The following GPR183 variants were observed in gnomAD, a reference collection of about 807,000 sequenced individuals.
GPR183 encodes EBV-induced G-protein coupled receptor 2.
In GPR183, 9 loss-of-function variants were observed where a neutral mutation model predicts 19.7. The observed-to-expected ratio is 0.46, with a 90% confidence interval of 0.28 to 0.80. GPR183 has a LOEUF of 0.80. Ranked by LOEUF, GPR183 falls within the 30% of genes least tolerant of loss-of-function variation. GPR183 has a pLI of 0.13. For synonymous variants in GPR183, 160 were observed against 155.1 expected, an observed-to-expected ratio of 1.03 and a Z score of -0.24; for missense variants, 368 against 446.7, an observed-to-expected ratio of 0.82 and a Z score of 1.59.
At chr13:99,305,257 CTG>C (rs1172869773) in intron 1 of GPR183, among the ~76,000 whole-genome samples, 1 of 150,740 alleles carries the variant, frequency 6.6e-6, no homozygotes, top group African/African-American at 2.4e-5. Context: ...CCACAGCCAT[CTG>C]TGTTACTGTC....
intron 1 of GPR183, among the ~76,000 whole-genome samples, chr13:99,296,912 C>T (rs1273315071): frequency 6.6e-6 from 1 of 151,100 alleles, no homozygotes; most frequent in Non-Finnish European, 1.5e-5. Context: ...TGGATCCATG[C>T]AATCTATACT....
At chr13:99,304,480 A>G (rs2044302097) in intron 1 of GPR183, among the ~76,000 whole-genome samples, 1 of 152,126 alleles carries the variant, frequency 6.6e-6, no homozygotes, top group East Asian at 1.9e-4. Context: ...CTATGGTGTT[A>G]ATTTCTTGTA....
rs1021085813 is a variant in GPR183 at position 99,294,992 on chromosome 13, T to C, written c.*68A>G. On this transcript the variant is annotated 3_prime_UTR_variant, in exon 2 of 2. Transcript: ENST00000376414. The stretch of plus-strand genomic sequence containing the variant: ...ATTGGAAGCTGAACAATTATTTTGC[T>C]TTATAAGGGAAGTCCTGCAAAGTTT... The C allele has an allele frequency of 1.3e-5, 20 of 1,503,880 alleles. No individual in the cohort carries two copies. Among genetic ancestry groups the C allele is most frequent in the Non-Finnish European group, 1.7e-5 (19 of 1,120,332 alleles). 93.2% of individuals were successfully genotyped at this position (1,503,880 alleles called of 1,614,324 possible). A position where few individuals can be genotyped will look rare whatever the true frequency, so the allele number is the denominator to read the frequency against.
At chr13:99,305,091 A>T (rs990662628) in intron 1 of GPR183, among the ~76,000 whole-genome samples, 1 of 152,270 alleles carries the variant, frequency 6.6e-6, no homozygotes, top group African/African-American at 2.4e-5. Context: ...ACAGTATTTT[A>T]ATAATAAAAC....
At chr13:99,303,557 T>C (rs1313564221) in intron 1 of GPR183, among the ~76,000 whole-genome samples, 1 of 152,176 alleles carries the variant, frequency 6.6e-6, no homozygotes, top group Admixed American at 6.5e-5. Context: ...ATAATACTCA[T>C]TTTAGTGTAA....
chr13:99,306,492 CAA>C (rs1170503864), intron 1 of GPR183, among the ~76,000 whole-genome samples: 1 of 151,756 alleles, frequency 6.6e-6, no homozygotes, highest in Admixed American at 6.6e-5. Flanking sequence ...AGAGTGACAC[CAA>C]AAAAACAAAA....
intron 1 of GPR183, among the ~76,000 whole-genome samples, chr13:99,300,384 CCTAATATGTCA>C (rs1196967937): frequency 1.3e-5 from 2 of 152,132 alleles, no homozygotes; most frequent in Non-Finnish European, 2.9e-5. Context: ...GCTAGCTGGC[CCTAATATGTCA>C]CTTTAGTTCT....
intron 1 of GPR183, among the ~76,000 whole-genome samples, 174 bp from the exon 2 acceptor site, chr13:99,296,337 G>A (rs906210176): frequency 6.6e-6 from 1 of 151,978 alleles, no homozygotes; most frequent in African/African-American, 2.4e-5. Flanking sequence ...ATTATAATAT[G>A]GTTACATATA....
chr13:99,301,623 G>A (rs1306295346), intron 1 of GPR183, among the ~76,000 whole-genome samples: 1 of 151,894 alleles, frequency 6.6e-6, no homozygotes, highest in African/African-American at 2.4e-5. Context: ...TGAACTGACA[G>A]GTTCTTTCTA....
rs761030594 is a variant in GPR183, at chr13:99,295,087, T to C, written c.1059A>G (p.Ile353Met). 14 of 1,614,006 alleles carry C rather than the reference T, an allele frequency of 8.7e-6. No homozygotes were observed. The highest frequency in any genetic ancestry group is 1.1e-5 in the Non-Finnish European group (13 of 1,179,936). Reference protein sequence around the residue: ...SREMTETQMMIHSKSSNGK With the variant: ...SREMTETQMMMHSKSSNGK ...ACTTTCCATTTGAAGACTTGGAATGTATCATCATCTGCGTTTCTGTCATTT... is the reference window on the plus strand; with the variant it reads ...ACTTTCCATTTGAAGACTTGGAATGCATCATCATCTGCGTTTCTGTCATTT... Residue 353 changes from isoleucine (I) to methionine (M), a missense_variant, in exon 2 of 2, where the codon ATA becomes ATG. Transcript: ENST00000376414. This position sits in a 1 kb window ranked among gnomAD's most constrained non-coding sequence, Gnocchi z 4.1.
rs1211110644 is a variant in GPR183 at position 99,295,480 on chromosome 13, T to A, written c.666A>T (p.Lys222Asn). ...GGTTTTGTTTGGCAGTTCTGAAGAG[T>A]TTGCAGCAGATCTGAGAATAGCAGA... is the stretch of plus-strand genomic sequence containing the variant. ...ILICYSQICC[K>N]LFRTAKQNPL... The change falls in exon 2 of 2, where the codon AAA becomes AAT. Residue 222 changes from lysine to asparagine, a missense_variant. Transcript: ENST00000376414. The surrounding 1 kb of genome is among the most constrained non-coding windows in gnomAD (Gnocchi z 4.1). 1.2e-6 allele frequency: 2 copies of A among 1,613,890 alleles called. No homozygotes were observed. Among genetic ancestry groups the A allele is most frequent in the Non-Finnish European group, 8.5e-7 (1 of 1,179,998 alleles).
intron 1 of GPR183, among the ~76,000 whole-genome samples, chr13:99,300,673 A>G (rs1014081134): frequency 3.3e-5 from 5 of 152,354 alleles, no homozygotes; most frequent in East Asian, 1.9e-4. Context: ...GATGCTGGGA[A>G]TACAGAGATG....
chr13:99,299,696 T>C (rs2149263), intron 1 of GPR183, among the ~76,000 whole-genome samples: 147,949 of 152,228 alleles, frequency 0.97, 72,027 homozygotes, highest in East Asian at 1. Context: ...CAAAGCTTGC[T>C]GTTCAGTGTT....
chr13:99,295,610 A>C lies in GPR183; in HGVS notation c.536T>G (p.Ile179Ser). ...AAAGTTTGGATACTCCATGCATGTA[A>C]TCCTTTCAGCCTCCTGCTTTGACAT... The part of the protein sequence containing the change: ...NPMSKQEAER[I>S]TCMEYPNFEE... The change falls in exon 2 of 2, where the codon ATT becomes AGT. Residue 179 changes from isoleucine to serine, a missense_variant. Ile to Ser is a moderately radical substitution (Grantham distance 142). Transcript: ENST00000376414. This position sits in a 1 kb window ranked among gnomAD's most constrained non-coding sequence, Gnocchi z 4.1. The C allele has an allele frequency of 6.2e-7, 1 of 1,614,142 alleles. No individual in the cohort carries two copies. The highest frequency in any genetic ancestry group is 1.6e-4 in the Middle Eastern group (1 of 6,062).
chr13:99,296,362 AC>A (rs1156835866), intron 1 of GPR183, among the ~76,000 whole-genome samples, 199 bp from the exon 2 acceptor site: 2 of 152,328 alleles, frequency 1.3e-5, no homozygotes, highest in East Asian at 3.9e-4. Flanking sequence ...AACAGGAAGA[AC>A]AGAATAAAAT....
At chr13:99,302,119 A>G (rs2044265722) in intron 1 of GPR183, among the ~76,000 whole-genome samples, 1 of 152,182 alleles carries the variant, frequency 6.6e-6, no homozygotes, top group South Asian at 2.1e-4. Context: ...TGGATGTACC[A>G]AAGAGGAACT....
At chr13:99,296,537 G>A (rs867361202) in intron 1 of GPR183, among the ~76,000 whole-genome samples, 1 of 152,122 alleles carries the variant, frequency 6.6e-6, no homozygotes, top group Non-Finnish European at 1.5e-5. Flanking sequence ...GTTAAGTAAA[G>A]CACCCCACAT....
intron 1 of GPR183, among the ~76,000 whole-genome samples, chr13:99,296,453 C>A (rs1200688080): frequency 6.6e-6 from 1 of 152,190 alleles, no homozygotes; most frequent in African/African-American, 2.4e-5. Context: ...AGGGCAAACG[C>A]ACTTTTGTGA....
Position 99,299,179 on chromosome 13 carries a change from C to G in GPR183, c.-18-3016G>C, listed in dbSNP as rs571828123. On this transcript the variant is annotated intron_variant, in intron 1 of 1. Transcript: ENST00000376414. ...GACTGCATCACCAAATAAGATGCAGCATCTAGCAGAGCCAGAGATTGCAGG... is the reference window on the plus strand; with the variant it reads ...GACTGCATCACCAAATAAGATGCAGGATCTAGCAGAGCCAGAGATTGCAGG... Among the ~76,000 whole-genome samples the G allele has an allele frequency of 2.6e-5, 4 of 152,286 alleles. No individual in the cohort carries two copies. In the South Asian group the frequency reaches 8.3e-4, roughly 32 times the overall value.
Sources: gnomAD v4.1 joint callset for allele counts (sites outside exome capture counted in the v4.1 genomes callset) on GRCh38, gnomAD v4.1.1 for gene constraint, Gnocchi (gnomAD v3.1) non-coding constraint, MANE v1.5 for transcripts, NCBI Gene and HGNC (gene_info 2026-07-23, HGNC 2026-07-21) for gene names.